The following MIB1 variants were observed in gnomAD, a reference collection of about 807,000 sequenced individuals.
MIB1 encodes the protein MIB E3 ubiquitin protein ligase 1, also known as E3 ubiquitin-protein ligase MIB1.
MIB1 carries 278 observed loss-of-function variants against 124.5 expected under a neutral mutation model. That is an observed-to-expected ratio of 2.23 (90% confidence interval 2.02 to 2.47). The LOEUF (loss-of-function observed/expected upper bound fraction) is 2.47. Among genes scored for constraint, MIB1 ranks in the 30% most tolerant of loss-of-function variants. The pLI is 0.00. For missense variants in MIB1, 957 were observed against 1,254.4 expected (o/e 0.76, Z 3.58); for synonymous variants, 446 against 429.4 (o/e 1.04, Z -0.48).
intron 14 of MIB1, among the ~76,000 whole-genome samples, 192 bp downstream of exon 14, chr18:21,843,409 A>G (rs2042109058): frequency 1.3e-5 from 2 of 152,214 alleles, no homozygotes; most frequent in East Asian, 1.9e-4. Context: ...ATTGGCTTCT[A>G]TATATAGATG....
At chr18:21,783,925 T>A (rs935005753) in intron 6 of MIB1, among the ~76,000 whole-genome samples, 18 of 152,082 alleles carry the variant, frequency 1.2e-4, no homozygotes, top group Non-Finnish European at 2.5e-4. Context: ...ATTTTTTTTG[T>A]AGAGATGGGG....
At chr18:21,755,102 G>GT (rs1421701814) in intron 1 of MIB1, among the ~76,000 whole-genome samples, 3 of 152,010 alleles carry the variant, frequency 2.0e-5, no homozygotes, top group Non-Finnish European at 4.4e-5. Flanking sequence ...TCTAGGGGTG[G>GT]TGTATTATGT....
At chr18:21,752,319 C>T (rs1037254380) in intron 1 of MIB1, among the ~76,000 whole-genome samples, 5 of 152,014 alleles carry the variant, frequency 3.3e-5, no homozygotes, top group Non-Finnish European at 7.4e-5. Context: ...ATGTTACATG[C>T]TTTATAAAGT....
chr18:21,721,160 T>TG (rs2040713258), intron 1 of MIB1, among the ~76,000 whole-genome samples: 1 of 51,714 alleles, frequency 1.9e-5, no homozygotes, highest in East Asian at 4.9e-4. Flanking sequence ...TTTAAAGAAG[T>TG]TTTTTTTTTT....
intron 1 of MIB1, among the ~76,000 whole-genome samples, chr18:21,758,591 A>G (rs543555421): frequency 3.5e-4 from 53 of 151,836 alleles, no homozygotes; most frequent in African/African-American, 1.3e-3. Context: ...CTGGAGTGCA[A>G]TGGCGTGGTC....
chr18:21,864,638 C>T lies in MIB1; in HGVS notation c.2993C>T (p.Ala998Val). 6.2e-7 allele frequency: 1 copy of T among 1,613,576 alleles called. No homozygotes were observed. The highest frequency in any genetic ancestry group is 1.1e-5 in the South Asian group (1 of 91,022). The change falls in exon 21 of 21, where the codon GCT becomes GTT. Residue 998 changes from alanine to valine, a missense_variant. By Grantham distance (64) the Ala-to-Val change is moderately conservative (BLOSUM62 0). Transcript: ENST00000261537. ...AGTGAATGTCCTATCTGTCGCAAGGCTATTGAACGAAGGATTCTTTTGTAT... is the reference window on the plus strand; with the variant it reads ...AGTGAATGTCCTATCTGTCGCAAGGTTATTGAACGAAGGATTCTTTTGTAT... ...RMSECPICRK[A>V]IERRILLY
At chr18:21,840,144 A>G (rs1947807516) in intron 13 of MIB1, among the ~76,000 whole-genome samples, 1 of 152,204 alleles carries the variant, frequency 6.6e-6, no homozygotes, top group Non-Finnish European at 1.5e-5. Context: ...TATATTTTCC[A>G]TATATCCTGT....
chr18:21,726,802 A>T (rs2040744201), intron 1 of MIB1, among the ~76,000 whole-genome samples: 1 of 152,182 alleles, frequency 6.6e-6, no homozygotes, highest in Admixed American at 6.5e-5. Flanking sequence ...AATGATTCCC[A>T]CATGCTTCTA....
At chr18:21,712,440 A>G (rs1237965809) in intron 1 of MIB1, among the ~76,000 whole-genome samples, 1 of 152,196 alleles carries the variant, frequency 6.6e-6, no homozygotes, top group Non-Finnish European at 1.5e-5. Context: ...ACTATGTTAT[A>G]TAAGACTCCT....
In MIB1 at chr18:21,866,870, T is replaced by G. The variant is rs1311990085; in HGVS notation, c.*2204T>G. 1 of 152,624 alleles carries G rather than the reference T, an allele frequency of 6.6e-6. No individual in the cohort carries two copies. Among genetic ancestry groups the G allele is most frequent in the Non-Finnish European group, 1.5e-5 (1 of 68,038 alleles). 9.5% of individuals were successfully genotyped at this position (152,624 alleles called of 1,614,324 possible). A position where few individuals can be genotyped will look rare whatever the true frequency, so the allele number is the denominator to read the frequency against. On this transcript the variant is annotated 3_prime_UTR_variant, in exon 21 of 21. Coordinates refer to ENST00000261537, the MANE Select transcript of MIB1 (RefSeq NM_020774.4). ...TGAATAGAAAATACTTCTTTATTCA[T>G]GTTTTCAATCACTTAGAATTATTTT...
intron 9 of MIB1, chr18:21,803,596 A>G (rs1598618928): frequency 5.5e-6 from 1 of 183,410 alleles, no homozygotes; most frequent in East Asian, 1.3e-4. Flanking sequence ...AGATTAATCT[A>G]AAAAGAAATA....
At chr18:21,760,106 G>A (rs2041081306) in intron 1 of MIB1, among the ~76,000 whole-genome samples, 1 of 152,014 alleles carries the variant, frequency 6.6e-6, no homozygotes, top group Non-Finnish European at 1.5e-5. Context: ...AAAGGAAAAG[G>A]GCATTAACTC....
chr18:21,754,933 T>C (rs1444423436), intron 1 of MIB1, among the ~76,000 whole-genome samples: 1 of 152,220 alleles, frequency 6.6e-6, no homozygotes, highest in African/African-American at 2.4e-5. Context: ...TCCCTTTGGA[T>C]GAGGAGGGTC....
intron 1 of MIB1, among the ~76,000 whole-genome samples, chr18:21,760,052 A>G (rs45590343): frequency 0.073 from 11,081 of 152,260 alleles, 519 homozygotes; most frequent in Non-Finnish European, 0.097. Context: ...AGCTGTCATC[A>G]GGTGGTTCAT....
rs149227017 is a variant in MIB1 at position 21,779,441 on chromosome 18, GT to G, written c.704-33del. 2,945 of 1,548,006 alleles carry G rather than the reference GT, an allele frequency of 1.9e-3. 46 individuals carry two copies. In the African/African-American group the frequency reaches 0.032, roughly 17 times the overall value. ...TAATGCAGCTGCCTGTTGTTGTGAG[GT>G]TTTTTTCTCCCTTTATTCAATTGCC... On this transcript the variant is annotated intron_variant, in intron 5 of 20. Transcript: ENST00000261537.
At chr18:21,786,796 A>G (rs570300588) in intron 6 of MIB1, among the ~76,000 whole-genome samples, 2 of 152,354 alleles carry the variant, frequency 1.3e-5, no homozygotes, top group South Asian at 2.1e-4. Context: ...TTTTGAAAAC[A>G]TCATTTCCAT....
chr18:21,752,374 A>G (rs912337801), intron 1 of MIB1, among the ~76,000 whole-genome samples: 4 of 152,148 alleles, frequency 2.6e-5, no homozygotes, highest in African/African-American at 9.7e-5. Context: ...TTATGTTTGT[A>G]TGTGGTCATG....
At chr18:21,812,165 A>G (rs1396498704) in intron 10 of MIB1, among the ~76,000 whole-genome samples, 2 of 152,160 alleles carry the variant, frequency 1.3e-5, no homozygotes, top group Non-Finnish European at 2.9e-5. Flanking sequence ...TGAGATATCT[A>G]GTCTCCAGTC....
chr18:21,843,075 C>A (rs2042105459), intron 13 of MIB1, 56 bp from the exon 14 acceptor site: 1 of 1,287,818 alleles, frequency 7.8e-7, no homozygotes, highest in South Asian at 1.3e-5. Context: ...TTATAGTTTT[C>A]ATGTTCTTTA....
Sources: gnomAD v4.1 joint callset for allele counts (sites outside exome capture counted in the v4.1 genomes callset) on GRCh38, gnomAD v4.1.1 for gene constraint, MANE v1.5 for transcripts, NCBI Gene and HGNC (gene_info 2026-07-23, HGNC 2026-07-21) for gene names.